Variants in CDH22 observed in about 807,000 individuals in gnomAD.
CDH22 encodes cadherin-22.
Under a neutral mutation model 58.4 loss-of-function variants are expected in CDH22, and 30 were observed. The ratio of observed to expected loss-of-function variants is 0.51; its 90% CI spans 0.38 to 0.70. CDH22 has a LOEUF of 0.70. Among genes scored for constraint, CDH22 ranks in the 30% least tolerant of loss-of-function variants. The probability of loss-of-function intolerance (pLI) is 0.00; values close to 1 mark genes in which losing one functional copy is unlikely to be tolerated. For synonymous variants in CDH22, 513 were observed against 558.2 expected, an observed-to-expected ratio of 0.92 and a Z score of 1.14; for missense variants, 1,014 against 1,233.9, an observed-to-expected ratio of 0.82 and a Z score of 2.67.
intron 1 of CDH22, among the ~76,000 whole-genome samples, chr20:46,285,744 G>A (rs1479236111): frequency 1.3e-5 from 2 of 152,302 alleles, no homozygotes; most frequent in East Asian, 3.9e-4. Flanking sequence ...TCAGGGTTCA[G>A]ACACCTTTTG....
chr20:46,193,901 C>G (rs2085879191), intron 8 of CDH22, among the ~76,000 whole-genome samples: 1 of 152,156 alleles, frequency 6.6e-6, no homozygotes, highest in Non-Finnish European at 1.5e-5. Context: ...TGCCTGTAAT[C>G]CCAGTGCTTT....
At chr20:46,276,853 G>A (rs898402131) in intron 1 of CDH22, among the ~76,000 whole-genome samples, 1 of 152,230 alleles carries the variant, frequency 6.6e-6, no homozygotes, top group Non-Finnish European at 1.5e-5. Flanking sequence ...CCACCTAAGT[G>A]GAGATGTCAA....
intron 1 of CDH22, among the ~76,000 whole-genome samples, chr20:46,269,845 T>C (rs1390872267): frequency 2.6e-5 from 4 of 152,304 alleles, no homozygotes; most frequent in African/African-American, 9.6e-5. Context: ...CCTCAGGGAC[T>C]TCCAGCCTTG....
intron 1 of CDH22, among the ~76,000 whole-genome samples, chr20:46,287,438 G>A (rs956043078): frequency 6.6e-6 from 1 of 152,184 alleles, no homozygotes; most frequent in African/African-American, 2.4e-5. Context: ...GGGCTCTTGG[G>A]AAGGGGTCCC....
chr20:46,267,342 A>G (rs541755180), intron 1 of CDH22, among the ~76,000 whole-genome samples: 5 of 152,226 alleles, frequency 3.3e-5, no homozygotes, highest in Admixed American at 2.0e-4. Flanking sequence ...ATGTTTTCAC[A>G]GTGATTCAAC....
In CDH22 at chr20:46,227,559, C is replaced by G. The variant is rs745388311; in HGVS notation, c.619G>C (p.Val207Leu). Residue 207 changes from valine to leucine, a missense_variant, in exon 4 of 12, where the codon GTG becomes CTG. Val to Leu is a conservative substitution (Grantham distance 32). Around this residue, in one of 2 missense-constraint regions of CDH22, gnomAD observed 806 missense variants for 1,038.7 expected, o/e 0.78. Transcript: ENST00000537909. ...DPTYGSSARL[V>L]YSVLDGEHHF... ...TGCTCGCCGTCCAGCACGCTGTACA[C>G]CAGCCGAGCGCTGCTGCCGTACGTG... 1.2e-6 allele frequency: 2 copies of G among 1,612,078 alleles called. No individual in the cohort carries two copies. The highest frequency in any genetic ancestry group is 1.7e-6 in the Non-Finnish European group (2 of 1,179,484).
intron 4 of CDH22, among the ~76,000 whole-genome samples, chr20:46,217,768 C>T (rs894812383): frequency 1.3e-5 from 2 of 152,080 alleles, no homozygotes; most frequent in Non-Finnish European, 2.9e-5. Context: ...CTCTCAAATA[C>T]ACACTCAATG....
At chr20:46,247,900 G>A (rs1398651125) in intron 2 of CDH22, among the ~76,000 whole-genome samples, 1 of 152,242 alleles carries the variant, frequency 6.6e-6, no homozygotes, top group Non-Finnish European at 1.5e-5. Context: ...TCTGGGTGAA[G>A]GTGATAGAGA....
In CDH22 at chr20:46,174,994, C is replaced by T. The variant is rs1400058536; in HGVS notation, c.1999G>A (p.Val667Ile). 1.9e-6 allele frequency: 3 copies of T among 1,608,166 alleles called. No homozygotes were observed. The highest frequency in any genetic ancestry group is 1.7e-5 in the Admixed American group (1 of 59,852). ...SDEDEDMRDN[V>I]IKYNDEGGGE... ...CCGCCTTCGTCGTTGTATTTGATGA[C>T]GTTGTCCCGCATGTCTTCATCCTCG... The change falls in exon 12 of 12, where the codon GTC becomes ATC. Residue 667 changes from valine to isoleucine, a missense_variant. Around this residue, in one of 2 missense-constraint regions of CDH22, gnomAD observed 806 missense variants for 1,038.7 expected, o/e 0.78. Coordinates refer to ENST00000537909, the MANE Select transcript of CDH22 (RefSeq NM_021248.3). This position sits in a 1 kb window ranked among gnomAD's most constrained non-coding sequence, Gnocchi z 4.4.
At chr20:46,217,594 C>T (rs2086094867) in intron 4 of CDH22, among the ~76,000 whole-genome samples, 1 of 152,066 alleles carries the variant, frequency 6.6e-6, no homozygotes, top group African/African-American at 2.4e-5. Flanking sequence ...TACATACAGG[C>T]CTATACAGAT....
chr20:46,244,056 G>A (rs948525352), intron 2 of CDH22, among the ~76,000 whole-genome samples: 17 of 152,284 alleles, frequency 1.1e-4, no homozygotes, highest in Admixed American at 9.8e-4. Context: ...CTTGGCACAG[G>A]TGTGGGGAGG....
rs2059032909 is a variant in CDH22 at position 46,308,341 on chromosome 20, T to C, written c.-486A>G. The C allele has an allele frequency of 1.1e-5, 2 of 174,330 alleles. No individual in the cohort carries two copies. The highest frequency in any genetic ancestry group is 6.4e-5 in the Admixed American group (1 of 15,600). 10.8% of individuals were successfully genotyped at this position (174,330 alleles called of 1,614,324 possible). On this transcript the variant is annotated 5_prime_UTR_variant, in exon 1 of 12. Coordinates refer to ENST00000537909, the MANE Select transcript of CDH22 (RefSeq NM_021248.3). This position sits in a 1 kb window ranked among gnomAD's most constrained non-coding sequence, Gnocchi z 4.3. ...AGCCCCGGCGCGGGCAGCGGGCGAG[T>C]CCGGAGCCCCGCGGCCGCCCGCAGG... is the stretch of plus-strand genomic sequence containing the variant.
Position 46,251,434 on chromosome 20 carries a change from C to A in CDH22, c.-140G>T. The A allele has an allele frequency of 4.0e-6, 4 of 1,003,180 alleles. No homozygotes were observed. Among genetic ancestry groups the A allele is most frequent in the Non-Finnish European group, 3.9e-6 (3 of 763,140 alleles). The allele number at this position is 1,003,180 out of a possible 1,614,324, so 62.1% of individuals were successfully genotyped here. On this transcript the variant is annotated 5_prime_UTR_variant, in exon 2 of 12. Coordinates refer to ENST00000537909, the MANE Select transcript of CDH22 (RefSeq NM_021248.3). The surrounding 1 kb of genome is among the most constrained non-coding windows in gnomAD (Gnocchi z 6.7). ...CGGGATGTCGCCCCCGACGGGGCAC[C>A]CGGACGGGCCCGCGGCCCTGAACGC...
At chr20:46,181,752 C>CTTCCTTCCTTCCTTCGTTCGTTCCTTCT in intron 10 of CDH22, among the ~76,000 whole-genome samples, 1 of 26,270 alleles carries the variant, frequency 3.8e-5, no homozygotes, top group Non-Finnish European at 8.3e-5. Flanking sequence ...TCCTTCCTTC[C>CTTCCTTCCTTCCTTCGTTCGTTCCTTCT]TTCTTTCTTT....
chr20:46,259,277 A>G (rs1304689096), intron 1 of CDH22, among the ~76,000 whole-genome samples: 3 of 152,218 alleles, frequency 2.0e-5, no homozygotes, highest in Non-Finnish European at 4.4e-5. Flanking sequence ...CCATTTTCTC[A>G]TTTATCCATT....
Position 46,175,019 on chromosome 20 carries a change from G to T in CDH22, c.1974C>A (p.Asp658Glu), listed in dbSNP as rs182023014. ...CGTTGTCCCGCATGTCTTCATCCTC[G>T]TCCGAGCTCAGGTGGCTCTTGTGGT... ...RRHHKSHLSSDEDEDMRDNVI... is the reference protein window; with the variant it reads ...RRHHKSHLSSEEDEDMRDNVI... The change falls in exon 12 of 12, where the codon GAC becomes GAA. Residue 658 changes from aspartate to glutamate, a missense_variant. Asp to Glu is a conservative substitution (Grantham distance 45). Coordinates refer to ENST00000537909, the MANE Select transcript of CDH22 (RefSeq NM_021248.3). The T allele has an allele frequency of 6.0e-5, 96 of 1,609,706 alleles. 1 individual carries two copies. In the Admixed American group the frequency reaches 1.1e-3, roughly 19 times the overall value.
chr20:46,276,873 T>A (rs945822726), intron 1 of CDH22, among the ~76,000 whole-genome samples: 2 of 152,176 alleles, frequency 1.3e-5, no homozygotes, highest in African/African-American at 4.8e-5. Context: ...AATGGATGGT[T>A]TATTTTGCGG....
At chr20:46,207,207 AAAG>A (rs1307626883) in intron 7 of CDH22, among the ~76,000 whole-genome samples, 1 of 152,212 alleles carries the variant, frequency 6.6e-6, no homozygotes, top group East Asian at 1.9e-4. Context: ...AAGAGAGATG[AAAG>A]AAGGTGAGAA....
chr20:46,216,093 C>T lies in CDH22; in HGVS notation c.838+733G>A, dbSNP rs113259954. On this transcript the variant is annotated intron_variant, in intron 5 of 11. Coordinates refer to ENST00000537909, the MANE Select transcript of CDH22 (RefSeq NM_021248.3). This position sits in a 1 kb window ranked among gnomAD's most constrained non-coding sequence, Gnocchi z 5.3. ...AGCAGACCTCAAGTAATGACTCACC[C>T]GATAGGAATCAGCCCAGCTCCTGCG... Among the ~76,000 whole-genome samples the T allele has an allele frequency of 0.04, 6,064 of 152,176 alleles. 384 individuals are homozygous for T. Among genetic ancestry groups the T allele is most frequent in the African/African-American group, 0.14 (5,706 of 41,506 alleles).
Sources: allele counts gnomAD v4.1 joint callset (sites outside exome capture counted in the v4.1 genomes callset), GRCh38; gene constraint gnomAD v4.1.1; regional missense constraint gnomAD v4.1.1; non-coding constraint Gnocchi (gnomAD v3.1); transcripts MANE v1.5; gene names NCBI Gene and HGNC (gene_info 2026-07-23, HGNC 2026-07-21).